The following CALN1 variants were observed in gnomAD, a reference collection of about 807,000 sequenced individuals.
CALN1 encodes the protein calneuron 1, also known as calcium-binding protein 8.
A neutral mutation model predicts 30.6 loss-of-function variants in CALN1; 17 were observed. That is an observed-to-expected ratio of 0.56 (90% CI 0.38 to 0.83). The LOEUF is 0.83. Ranked by LOEUF, CALN1 falls within the 40% of genes least tolerant of loss-of-function variation. The pLI is 0.00. For synonymous variants in CALN1, 156 were observed against 131.4 expected (o/e 1.19, Z -1.28); for missense variants, 291 against 354.9 (o/e 0.82, Z 1.45).
At chr7:72,232,269 C>T (rs1341723085) in intron 3 of CALN1, among the ~76,000 whole-genome samples, 3 of 152,096 alleles carry the variant, frequency 2.0e-5, no homozygotes, top group Admixed American at 1.3e-4. Context: ...GAACCGTCAT[C>T]GCAGAGGTGA....
At chr7:72,473,119 GTT>G in the CALN1 span, among the ~76,000 whole-genome samples, 1 of 143,464 alleles carries the variant, frequency 7.0e-6, no homozygotes. Flanking sequence ...TGTTCTTTTT[GTT>G]TTTTTTTTTT....
At chr7:71,796,279 T>C (rs1786916935) in intron 6 of CALN1, among the ~76,000 whole-genome samples, 1 of 152,106 alleles carries the variant, frequency 6.6e-6, no homozygotes, top group Non-Finnish European at 1.5e-5. Context: ...TGTTTACATG[T>C]CAATATATGT....
At chr7:71,857,336 A>T (rs991862486) in intron 5 of CALN1, among the ~76,000 whole-genome samples, 16 of 152,160 alleles carry the variant, frequency 1.1e-4, no homozygotes, top group Non-Finnish European at 2.1e-4. Flanking sequence ...TGGCACTGTC[A>T]TATTGCTCAG....
intron 5 of CALN1, among the ~76,000 whole-genome samples, chr7:71,815,519 A>C (rs138262192): frequency 6.6e-6 from 1 of 152,254 alleles, no homozygotes; most frequent in East Asian, 1.9e-4. Context: ...ACCTGAGTAG[A>C]TCCTCAACCA....
chr7:72,274,451 T>A (rs1437709723), intron 3 of CALN1, among the ~76,000 whole-genome samples: 1 of 147,266 alleles, frequency 6.8e-6, no homozygotes, highest in Non-Finnish European at 1.5e-5. Context: ...GAGGTTGCAG[T>A]GAGCAAAGAT....
chr7:72,259,418 G>A (rs1452579769), intron 3 of CALN1, among the ~76,000 whole-genome samples: 1 of 152,080 alleles, frequency 6.6e-6, no homozygotes, highest in Non-Finnish European at 1.5e-5. Context: ...CCTGGTCTCA[G>A]CGGTTGTCAC....
chr7:72,399,983 T>C (rs1035218705), intron 2 of CALN1, among the ~76,000 whole-genome samples: 4 of 152,134 alleles, frequency 2.6e-5, no homozygotes, highest in Admixed American at 1.3e-4. Flanking sequence ...TGCTCCCCCT[T>C]TGCGTTCCAC....
At chr7:72,313,541 T>C (rs1342254578) in intron 2 of CALN1, among the ~76,000 whole-genome samples, 1 of 152,064 alleles carries the variant, frequency 6.6e-6, no homozygotes, top group African/African-American at 2.4e-5. Flanking sequence ...TATCGGTGCG[T>C]ACCACCATGC....
chr7:71,847,749 G>A (rs1051976716), intron 5 of CALN1, among the ~76,000 whole-genome samples: 18 of 118,992 alleles, frequency 1.5e-4, no homozygotes, highest in East Asian at 1.0e-3. Flanking sequence ...GAAAGAAGAA[G>A]AAAGAAGAAA....
At chr7:72,250,250 G>A (rs1795463970) in intron 3 of CALN1, among the ~76,000 whole-genome samples, 1 of 152,174 alleles carries the variant, frequency 6.6e-6, no homozygotes, top group Non-Finnish European at 1.5e-5. Context: ...ACTGTGAGAG[G>A]TTCAAACAAG....
chr7:72,487,672 TGAAAGAAAGAAAG>T, the CALN1 span, among the ~76,000 whole-genome samples: 2 of 101,544 alleles, frequency 2.0e-5, no homozygotes, highest in Admixed American at 1.3e-4. Flanking sequence ...GGCAGCAGAG[TGAAAGAAAGAAAG>T]GAAAGAAAGA....
At chr7:72,232,917 C>A (rs578123940) in intron 3 of CALN1, among the ~76,000 whole-genome samples, 11 of 152,014 alleles carry the variant, frequency 7.2e-5, no homozygotes, top group African/African-American at 2.7e-4. Flanking sequence ...GACAGTGACA[C>A]CTTCTTCTTC....
At chr7:71,874,738 A>G (rs924674224) in intron 5 of CALN1, among the ~76,000 whole-genome samples, 4 of 152,148 alleles carry the variant, frequency 2.6e-5, no homozygotes, top group African/African-American at 9.7e-5. Flanking sequence ...GTGAGACAAG[A>G]CTGGTCTAGG....
chr7:72,138,509 T>C (rs922889510), intron 3 of CALN1, among the ~76,000 whole-genome samples: 3 of 151,988 alleles, frequency 2.0e-5, no homozygotes, highest in Non-Finnish European at 2.9e-5. Context: ...GGAAACTCTT[T>C]TCTCCTACTT....
intron 3 of CALN1, among the ~76,000 whole-genome samples, chr7:72,229,511 G>A (rs1205292079): frequency 1.3e-5 from 2 of 151,940 alleles, no homozygotes; most frequent in Admixed American, 6.6e-5. Flanking sequence ...TATTTACAAT[G>A]GGAAAGACTT....
chr7:72,407,894 C>A (rs1196182127), intron 1 of CALN1, among the ~76,000 whole-genome samples: 1 of 152,066 alleles, frequency 6.6e-6, no homozygotes, highest in East Asian at 1.9e-4. Flanking sequence ...GAAACTCAGA[C>A]ACAAACACAC....
chr7:72,023,824 T>A (rs1304282014), intron 4 of CALN1, 55 bp from the exon 5 acceptor site: 20 of 1,285,842 alleles, frequency 1.6e-5, no homozygotes, highest in Non-Finnish European at 2.3e-5. Flanking sequence ...TGACCTACCG[T>A]ACCTGATGCA....
intron 4 of CALN1, among the ~76,000 whole-genome samples, chr7:72,061,043 A>G (rs1050385208): frequency 2.0e-5 from 3 of 152,256 alleles, no homozygotes; most frequent in Admixed American, 1.3e-4. Context: ...CGAGCAGAAC[A>G]GATCTGAATA....
At chr7:72,357,164 T>C (rs866132451) in intron 2 of CALN1, among the ~76,000 whole-genome samples, 1 of 151,996 alleles carries the variant, frequency 6.6e-6, no homozygotes, top group Non-Finnish European at 1.5e-5. Context: ...ACTTGCCAGA[T>C]AGAATACAAC....
Sources: gnomAD v4.1 joint callset for allele counts (sites outside exome capture counted in the v4.1 genomes callset) on GRCh38, gnomAD v4.1.1 for gene constraint, MANE v1.5 for transcripts, NCBI Gene and HGNC (gene_info 2026-07-23, HGNC 2026-07-21) for gene names.